The following PPP1R12B variants were observed in gnomAD, a reference collection of about 807,000 sequenced individuals.
PPP1R12B encodes protein phosphatase 1 regulatory subunit 12B.
In PPP1R12B, 76 loss-of-function variants were observed where a neutral mutation model predicts 126.1. The ratio of observed to expected loss-of-function variants is 0.60; its 90% confidence interval spans 0.50 to 0.73. The LOEUF (loss-of-function observed/expected upper bound fraction) is 0.73. PPP1R12B is among the 30% of genes least tolerant of loss of function. The pLI is 0.00. For synonymous variants in PPP1R12B, 356 were observed against 434.7 expected (o/e 0.82, Z 2.25); for missense variants, 1,052 against 1,205.1 (o/e 0.87, Z 1.88).
At position 202,476,520 on chromosome 1, in the gene PPP1R12B, TA is replaced by T. The variant is rs1347767322; in HGVS notation, c.1851-12008del. On this transcript the variant is annotated intron_variant, in intron 13 of 23. Transcript: ENST00000608999. ...CAATGTGGTGGAAACACCGCTCTACTAAAAATACCAAAATTAGCTGGGCCTG... is the reference window on the plus strand; with the variant it reads ...CAATGTGGTGGAAACACCGCTCTACTAAAATACCAAAATTAGCTGGGCCTG... Among the ~76,000 whole-genome samples the T allele has an allele frequency of 7.3e-5, 11 of 151,606 alleles. No homozygotes were observed. In the East Asian group the frequency reaches 2.0e-3, roughly 27 times the overall value.
intron 1 of PPP1R12B, among the ~76,000 whole-genome samples, chr1:202,394,534 C>A (rs778437759): frequency 2.0e-5 from 3 of 151,912 alleles, no homozygotes; most frequent in Non-Finnish European, 4.4e-5. Flanking sequence ...GCGAGCGGAT[C>A]ACCTGAGGTT....
At position 202,411,596 on chromosome 1, in the gene PPP1R12B, T is replaced by G. The variant is rs1438560733; in HGVS notation, c.292-5191T>G. ...ATTGAGGACTAAGTACTTTTTGTTT[T>G]TTTTTTTTCCCCTTGAGGCAGTTGC... On this transcript the variant is annotated intron_variant, in intron 1 of 23. Transcript: ENST00000608999. Among the ~76,000 whole-genome samples, 3 of 152,032 alleles carry G rather than the reference T, an allele frequency of 2.0e-5. No homozygotes were observed. In the East Asian group the frequency reaches 5.8e-4, roughly 29 times the overall value.
chr1:202,350,982 A>G (rs1228120628), intron 1 of PPP1R12B, among the ~76,000 whole-genome samples: 3 of 152,096 alleles, frequency 2.0e-5, no homozygotes, highest in Non-Finnish European at 2.9e-5. Flanking sequence ...TTTAACATCT[A>G]TAAATGCAAT....
chr1:202,474,703 T>A (rs1231301028), intron 13 of PPP1R12B, among the ~76,000 whole-genome samples: 2 of 152,178 alleles, frequency 1.3e-5, no homozygotes, highest in Non-Finnish European at 2.9e-5. Flanking sequence ...TCTAGAGCTG[T>A]GGTGTGCAGT....
chr1:202,498,638 G>C (rs1427836728), intron 18 of PPP1R12B, among the ~76,000 whole-genome samples: 1 of 152,192 alleles, frequency 6.6e-6, no homozygotes, highest in South Asian at 2.1e-4. Flanking sequence ...AGAGCCACAT[G>C]CCTGGTCATG....
intron 20 of PPP1R12B, among the ~76,000 whole-genome samples, chr1:202,564,006 G>C (rs369307672): frequency 1.3e-5 from 2 of 152,292 alleles, no homozygotes; most frequent in East Asian, 3.9e-4. Flanking sequence ...GCTGCAGTGA[G>C]GGGTGATCAT....
intron 23 of PPP1R12B, chr1:202,576,903 A>G (rs940218733): frequency 5.9e-5 from 9 of 152,198 alleles, no homozygotes; most frequent in South Asian, 4.1e-4. Context: ...CCAAAATTCA[A>G]ACCAAATATG....
chr1:202,557,279 C>A (rs1257425888), intron 18 of PPP1R12B, among the ~76,000 whole-genome samples: 1 of 152,036 alleles, frequency 6.6e-6, no homozygotes, highest in Non-Finnish European at 1.5e-5. Context: ...CCACTGTGCC[C>A]AGCCCTATAT....
At chr1:202,495,098 G>GTTT (rs768986892) in intron 15 of PPP1R12B, among the ~76,000 whole-genome samples, 195 bp from the exon 16 acceptor site, 3 of 126,096 alleles carry the variant, frequency 2.4e-5, no homozygotes, top group Non-Finnish European at 3.5e-5. Flanking sequence ...TAGCAGCTGT[G>GTTT]TTTTTTTTTT....
chr1:202,399,522 A>G (rs1665505936), intron 1 of PPP1R12B, among the ~76,000 whole-genome samples: 2 of 142,998 alleles, frequency 1.4e-5, no homozygotes, highest in African/African-American at 2.6e-5. Context: ...TTTGAAATGG[A>G]GTCTTGCTCT....
At chr1:202,373,380 G>C (rs1660633891) in intron 1 of PPP1R12B, among the ~76,000 whole-genome samples, 1 of 152,232 alleles carries the variant, frequency 6.6e-6, no homozygotes, top group East Asian at 1.9e-4. Flanking sequence ...TTGTATCTAA[G>C]AAACTATTGC....
At chr1:202,368,114 C>T (rs954311975) in intron 1 of PPP1R12B, among the ~76,000 whole-genome samples, 1 of 151,956 alleles carries the variant, frequency 6.6e-6, no homozygotes, top group South Asian at 2.1e-4. Context: ...GGATTATAGG[C>T]GCCTGCCACC....
At chr1:202,574,267 T>C (rs1688890563) in intron 23 of PPP1R12B, among the ~76,000 whole-genome samples, 1 of 152,140 alleles carries the variant, frequency 6.6e-6, no homozygotes, top group Non-Finnish European at 1.5e-5. Context: ...CCCAGCACTT[T>C]GGGAGGCTAA....
At chr1:202,372,588 G>C (rs1660479241) in intron 1 of PPP1R12B, among the ~76,000 whole-genome samples, 1 of 151,934 alleles carries the variant, frequency 6.6e-6, no homozygotes. Context: ...GGGCAACATA[G>C]AGAAACCCCA....
chr1:202,516,561 G>A (rs929668998), intron 18 of PPP1R12B, among the ~76,000 whole-genome samples: 2 of 151,902 alleles, frequency 1.3e-5, no homozygotes, highest in Non-Finnish European at 2.9e-5. Flanking sequence ...GGATTTTCTG[G>A]GAATTAATAG....
intron 20 of PPP1R12B, among the ~76,000 whole-genome samples, chr1:202,563,726 A>G (rs1311255409): frequency 6.6e-6 from 1 of 152,046 alleles, no homozygotes; most frequent in Non-Finnish European, 1.5e-5. Context: ...AGACTTAAAA[A>G]CCTTCCCTTT....
At chr1:202,555,152 A>G (rs994652875) in intron 18 of PPP1R12B, among the ~76,000 whole-genome samples, 1 of 151,994 alleles carries the variant, frequency 6.6e-6, no homozygotes, top group African/African-American at 2.4e-5. Flanking sequence ...CAGCCATACT[A>G]TACAGCCATA....
chr1:202,501,912 G>A, intron 18 of PPP1R12B: 1 of 984,936 alleles, frequency 1.0e-6, no homozygotes, highest in Non-Finnish European at 1.2e-6. Flanking sequence ...CTTGAGTGAA[G>A]GAACGTCTTC....
chr1:202,562,485 C>T, intron 19 of PPP1R12B: 1 of 429,246 alleles, frequency 2.3e-6, no homozygotes, highest in South Asian at 2.0e-5. Flanking sequence ...CAATCCTAAA[C>T]TAATATGAAA....
Sources: gnomAD v4.1 joint callset for allele counts (sites outside exome capture counted in the v4.1 genomes callset) on GRCh38, gnomAD v4.1.1 for gene constraint, MANE v1.5 for transcripts, NCBI Gene and HGNC (gene_info 2026-07-23, HGNC 2026-07-21) for gene names.